PTPRE: variants seen among roughly 807,000 people sequenced by gnomAD.
PTPRE encodes receptor-type tyrosine-protein phosphatase epsilon.
Under a neutral mutation model 102.0 loss-of-function variants are expected in PTPRE, and 51 were observed. That is an observed-to-expected ratio of 0.50 (90% confidence interval 0.40 to 0.63). The LOEUF (loss-of-function observed/expected upper bound fraction) is 0.63. PTPRE is among the 30% of genes least tolerant of loss of function. PTPRE has a pLI of 0.00. For synonymous variants in PTPRE, 345 were observed against 348.2 expected (o/e 0.99, Z 0.10); for missense variants, 752 against 915.1 (o/e 0.82, Z 2.30).
chr10:127,978,182 C>T (rs1489562864), intron 1 of PTPRE, among the ~76,000 whole-genome samples: 1 of 152,140 alleles, frequency 6.6e-6, no homozygotes. Flanking sequence ...AAAGGAATTA[C>T]AGCTTCACTG....
chr10:128,071,472 C>T (rs992244565), intron 15 of PTPRE: 1 of 157,724 alleles, frequency 6.3e-6, no homozygotes, highest in Non-Finnish European at 1.4e-5. Context: ...GGAGGCAAAG[C>T]TGGCAAGAAG....
At chr10:128,007,276 C>T (rs1479027436) in intron 2 of PTPRE, among the ~76,000 whole-genome samples, 2 of 152,140 alleles carry the variant, frequency 1.3e-5, no homozygotes, top group Non-Finnish European at 2.9e-5. Context: ...CTAGTTCATT[C>T]ACTCCTTGAA....
intron 2 of PTPRE, among the ~76,000 whole-genome samples, chr10:128,017,271 G>A (rs1228259717): frequency 6.6e-6 from 1 of 152,124 alleles, no homozygotes; most frequent in Non-Finnish European, 1.5e-5. Flanking sequence ...GGCAAGTGGG[G>A]CGGGCATTAA....
At chr10:127,981,104 A>C (rs1851574776) in intron 1 of PTPRE, among the ~76,000 whole-genome samples, 1 of 152,234 alleles carries the variant, frequency 6.6e-6, no homozygotes. Context: ...ATATCCATGC[A>C]ATGGAATATT....
intron 1 of PTPRE, among the ~76,000 whole-genome samples, chr10:127,930,478 G>A (rs1268430719): frequency 6.6e-6 from 1 of 152,218 alleles, no homozygotes; most frequent in Non-Finnish European, 1.5e-5. Context: ...GTAGCATTCT[G>A]TTGTATGCAT....
intron 1 of PTPRE, among the ~76,000 whole-genome samples, chr10:127,909,463 G>T (rs895218864): frequency 7.2e-5 from 11 of 152,172 alleles, no homozygotes; most frequent in Non-Finnish European, 2.9e-5. Flanking sequence ...GAAGGCCAGA[G>T]GTGTGTTTCT....
chr10:127,996,380 C>T lies in PTPRE; in HGVS notation c.-8+14084C>T, dbSNP rs552718128. The stretch of plus-strand genomic sequence containing the variant: ...AGAGGGTTTGGGACGTGAGTGGTTG[C>T]GTGTTGCACACCAGCAAACAGGGTG... On this transcript the variant is annotated intron_variant, in intron 2 of 20. Transcript: ENST00000254667. Among the ~76,000 whole-genome samples the T allele has an allele frequency of 8.1e-4, 124 of 152,326 alleles. 1 individual carries two copies. The highest frequency in any genetic ancestry group is 2.8e-3 in the African/African-American group (116 of 41,572).
At chr10:127,971,096 C>A (rs1040200400) in intron 1 of PTPRE, among the ~76,000 whole-genome samples, 15 of 152,112 alleles carry the variant, frequency 9.9e-5, no homozygotes, top group African/African-American at 3.6e-4. Flanking sequence ...ATGCAGAGAC[C>A]CTGCCTGTAA....
Position 128,084,980 on chromosome 10 carries a change from G to C in PTPRE, c.*2074G>C, listed in dbSNP as rs565098083. On this transcript the variant is annotated 3_prime_UTR_variant, in exon 21 of 21. Coordinates refer to ENST00000254667, the MANE Select transcript of PTPRE (RefSeq NM_006504.6). ...ACCTTTTCAGGGTGCCCTCAGGAAA[G>C]GGCCCTGCTCATGTTTTTTTCCTGT... The C allele has an allele frequency of 3.5e-5, 13 of 370,698 alleles. No homozygotes were observed. Among genetic ancestry groups the C allele is most frequent in the Non-Finnish European group, 7.1e-5 (13 of 183,260 alleles). 23.0% of individuals were successfully genotyped at this position (370,698 alleles called of 1,614,324 possible).
chr10:127,988,284 G>T (rs1199613448), intron 2 of PTPRE, among the ~76,000 whole-genome samples: 2 of 150,046 alleles, frequency 1.3e-5, no homozygotes, highest in Non-Finnish European at 2.9e-5. Context: ...ATGACCATTT[G>T]CAGTGACTTT....
chr10:128,051,390 G>C (rs1416807405), intron 6 of PTPRE, among the ~76,000 whole-genome samples: 1 of 152,222 alleles, frequency 6.6e-6, no homozygotes. Context: ...CAGCACCACA[G>C]GAAAGGTAAC....
chr10:128,045,740 G>A (rs918217395), intron 3 of PTPRE, among the ~76,000 whole-genome samples: 1 of 152,218 alleles, frequency 6.6e-6, no homozygotes, highest in Non-Finnish European at 1.5e-5. Flanking sequence ...CTTCCCCAGG[G>A]AAGCTCTGCT....
At chr10:127,957,464 G>T (rs529432423) in intron 1 of PTPRE, among the ~76,000 whole-genome samples, 1 of 152,188 alleles carries the variant, frequency 6.6e-6, no homozygotes, top group South Asian at 2.1e-4. Flanking sequence ...TGTAATCTGT[G>T]AACAAGAATA....
At chr10:127,953,287 C>T (rs1358006149) in intron 1 of PTPRE, among the ~76,000 whole-genome samples, 2 of 152,210 alleles carry the variant, frequency 1.3e-5, no homozygotes, top group East Asian at 1.9e-4. Context: ...TTGGAGCCTT[C>T]GGCAGGCCCC....
intron 1 of PTPRE, among the ~76,000 whole-genome samples, chr10:127,971,659 C>A (rs956176108): frequency 6.6e-6 from 1 of 152,252 alleles, no homozygotes; most frequent in African/African-American, 2.4e-5. Flanking sequence ...CAAGGCAGTT[C>A]CTGGGGAAAG....
rs1488808720 is a variant in PTPRE, at chr10:128,085,640, G to A, written c.*2734G>A. ...AGTGTATAATTACTGATACTTTTTT[G>A]TTTGTTTGTTTAACTAAGTTGTGTT... On this transcript the variant is annotated 3_prime_UTR_variant, in exon 21 of 21. Coordinates refer to ENST00000254667, the MANE Select transcript of PTPRE (RefSeq NM_006504.6). 6.6e-6 allele frequency: 1 copy of A among 152,326 alleles called. No individual in the cohort carries two copies. 9.4% of individuals were successfully genotyped at this position (152,326 alleles called of 1,614,324 possible).
chr10:127,914,375 C>T (rs1442440635), intron 1 of PTPRE, among the ~76,000 whole-genome samples: 1 of 152,220 alleles, frequency 6.6e-6, no homozygotes, highest in South Asian at 2.1e-4. Context: ...GAAATACAGG[C>T]TTTGCGGACA....
intron 1 of PTPRE, among the ~76,000 whole-genome samples, chr10:127,970,684 T>C (rs961142928): frequency 6.6e-6 from 1 of 151,666 alleles, no homozygotes; most frequent in African/African-American, 2.4e-5. Flanking sequence ...AACTGACAGT[T>C]TGGACTATTC....
chr10:127,931,362 C>A (rs987101284), intron 1 of PTPRE, among the ~76,000 whole-genome samples: 1 of 152,292 alleles, frequency 6.6e-6, no homozygotes, highest in Non-Finnish European at 1.5e-5. Flanking sequence ...CCAAAGGATT[C>A]GTGTTCCAGA....
Sources: gnomAD v4.1 joint callset for allele counts (sites outside exome capture counted in the v4.1 genomes callset) on GRCh38, gnomAD v4.1.1 for gene constraint, MANE v1.5 for transcripts, NCBI Gene and HGNC (gene_info 2026-07-23, HGNC 2026-07-21) for gene names.